ZFP64: variants seen among roughly 807,000 people sequenced by gnomAD.
The protein encoded by ZFP64 is zinc finger protein 64.
Under a neutral mutation model 51.6 loss-of-function variants are expected in ZFP64, and 14 were observed. That is an observed-to-expected ratio of 0.27 (90% CI 0.18 to 0.42). The LOEUF is 0.42. Ranked by LOEUF, ZFP64 falls within the 10% of genes least tolerant of loss-of-function variation. ZFP64 has a pLI of 1.00. For missense variants in ZFP64, 754 were observed against 906.8 expected, an observed-to-expected ratio of 0.83 and a Z score of 2.16; for synonymous variants, 375 against 361.4, an observed-to-expected ratio of 1.04 and a Z score of -0.43.
intron 5 of ZFP64, among the ~76,000 whole-genome samples, chr20:52,115,155 G>T (rs1340894203): frequency 7.4e-6 from 1 of 135,292 alleles, no homozygotes; most frequent in Non-Finnish European, 1.5e-5. Flanking sequence ...AGTGAGCCAA[G>T]ATCACGCCAC....
intron 5 of ZFP64, among the ~76,000 whole-genome samples, chr20:52,158,814 G>A (rs572131392): frequency 1.2e-4 from 19 of 152,258 alleles, no homozygotes; most frequent in African/African-American, 1.7e-4. Flanking sequence ...GCTCAGTCCC[G>A]CCCTTGACAC....
chr20:52,119,555 C>CACAT (rs1361789500), intron 5 of ZFP64, among the ~76,000 whole-genome samples: 17 of 77,712 alleles, frequency 2.2e-4, no homozygotes, highest in African/African-American at 7.6e-4. Context: ...TATATATATA[C>CACAT]ATATATATAT....
At chr20:52,107,041 C>T (rs1257441658) in intron 5 of ZFP64, among the ~76,000 whole-genome samples, 1 of 152,158 alleles carries the variant, frequency 6.6e-6, no homozygotes, top group African/African-American at 2.4e-5. Flanking sequence ...GAGCCGAGAT[C>T]GCGCCACTGC....
rs190001062 is a variant in ZFP64 at position 52,134,454 on chromosome 20, A to T, written c.763+25669T>A. ...AAGATATCTCAGTTTGGTGGCAAGC[A>T]CCCTGTTTATTTAATCAAGTGTCAT... On this transcript the variant is annotated intron_variant, in intron 5 of 8. Transcript: ENST00000361387. Among the ~76,000 whole-genome samples the T allele has an allele frequency of 1.5e-3, 222 of 152,320 alleles. 2 individuals carry two copies. The highest frequency in any genetic ancestry group is 1.5e-3 in the Non-Finnish European group (99 of 68,028).
intron 5 of ZFP64, among the ~76,000 whole-genome samples, chr20:52,140,927 G>A (rs945579426): frequency 3.9e-5 from 6 of 152,160 alleles, no homozygotes; most frequent in African/African-American, 1.4e-4. Context: ...TGAAGTTGAA[G>A]CCAGTGCTCA....
chr20:52,088,757 C>T, intron 7 of ZFP64: 1 of 1,355,608 alleles, frequency 7.4e-7, no homozygotes, highest in South Asian at 1.2e-5. Flanking sequence ...TGTCCAAATA[C>T]TGAGAGAGAA....
intron 5 of ZFP64, among the ~76,000 whole-genome samples, chr20:52,123,959 T>TC (rs1466618713): frequency 2.6e-5 from 4 of 151,904 alleles, no homozygotes; most frequent in Admixed American, 2.0e-4. Context: ...AAGCTCCACC[T>TC]CCTGGGTTCA....
At position 52,158,909 on chromosome 20, in the gene ZFP64, G is replaced by A. The variant is rs909892257; in HGVS notation, c.763+1214C>T. On this transcript the variant is annotated intron_variant, in intron 5 of 5. Coordinates refer to ENST00000216923, the MANE Select transcript of ZFP64 (RefSeq NM_018197.3). ...AGAGTTGAAATGGGCTTACACTGGG[G>A]CTTGCTTGCTTGCACCTCTGCCATC... 1.3e-5 allele frequency among the ~76,000 whole-genome samples: 2 copies of A among 152,186 alleles called. 1 individual carries two copies. The highest frequency in any genetic ancestry group is 4.1e-4 in the South Asian group (2 of 4,828).
chr20:52,093,482 G>A (rs1034343923), intron 7 of ZFP64, among the ~76,000 whole-genome samples: 4 of 152,040 alleles, frequency 2.6e-5, no homozygotes, highest in Non-Finnish European at 5.9e-5. Context: ...AAATTTCAGG[G>A]GTCTAAGATC....
chr20:52,139,455 A>T (rs1323483278), intron 5 of ZFP64, among the ~76,000 whole-genome samples: 1 of 152,128 alleles, frequency 6.6e-6, no homozygotes, highest in African/African-American at 2.4e-5. Context: ...AACATTGAGT[A>T]CCCGTGGACA....
chr20:52,129,042 T>C (rs1345372360), intron 5 of ZFP64, among the ~76,000 whole-genome samples: 1 of 151,350 alleles, frequency 6.6e-6, no homozygotes, highest in East Asian at 1.9e-4. Flanking sequence ...GCCTCCCGAG[T>C]AGTTGGGATT....
Position 52,101,308 on chromosome 20 carries a change from C to A in ZFP64, c.764-2721G>T, listed in dbSNP as rs191586139. On this transcript the variant is annotated intron_variant, in intron 5 of 8. Transcript: ENST00000361387. ...TTTCCCAGGCCTTACCCTATACTCA[C>A]TGAAAACTTAGGGGCAGGAGGAGGG... Among the ~76,000 whole-genome samples, 8 of 152,270 alleles carry A rather than the reference C, an allele frequency of 5.3e-5. No homozygotes were observed. The East Asian group carries it at 1.5e-3, about 29-fold the overall frequency.
intron 6 of ZFP64, among the ~76,000 whole-genome samples, chr20:52,097,720 A>G (rs1208526648): frequency 6.6e-6 from 1 of 152,034 alleles, no homozygotes. Context: ...CCGGCTTCCC[A>G]AAGTGCTGGG....
chr20:52,105,335 G>A (rs150334398), intron 5 of ZFP64: 14 of 1,249,436 alleles, frequency 1.1e-5, no homozygotes, highest in Non-Finnish European at 1.2e-5. Context: ...GCCGGAACGC[G>A]CATGTCCCGG....
At chr20:52,189,935 A>G (rs528312993) in intron 1 of ZFP64, among the ~76,000 whole-genome samples, 1 of 152,308 alleles carries the variant, frequency 6.6e-6, no homozygotes, top group East Asian at 1.9e-4. Context: ...CCCAAGTTAA[A>G]TGATACAAGA....
chr20:52,109,504 G>A (rs1978433894), intron 5 of ZFP64, among the ~76,000 whole-genome samples: 1 of 152,160 alleles, frequency 6.6e-6, no homozygotes, highest in Non-Finnish European at 1.5e-5. Context: ...TGCTGGCTGA[G>A]TGCGGTGGCT....
At position 52,098,633 on chromosome 20, in the gene ZFP64, C is replaced by T. The variant is rs376490605; in HGVS notation, c.764-46G>A. 64 of 1,611,942 alleles carry T rather than the reference C, an allele frequency of 4.0e-5. No individual in the cohort carries two copies. In the African/African-American group the frequency reaches 7.2e-4, roughly 18 times the overall value. Reference sequence around the variant, plus strand: ...TGCTTAGTTTCTCATTTATAACCACCATGCTAAGTCTTAGAATACAGTAGG... The same window carrying T: ...TGCTTAGTTTCTCATTTATAACCACTATGCTAAGTCTTAGAATACAGTAGG... On this transcript the variant is annotated intron_variant, in intron 5 of 8. Transcript: ENST00000361387.
intron 5 of ZFP64, among the ~76,000 whole-genome samples, chr20:52,115,197 CAAAAAAA>C (rs11484315): frequency 3.3e-5 from 3 of 90,068 alleles, no homozygotes; most frequent in African/African-American, 1.5e-4. Flanking sequence ...GAGTGAGTCT[CAAAAAAA>C]AAAAAAAAAA....
In ZFP64 at chr20:52,097,179, G is replaced by A. The variant is rs571018504; in HGVS notation, c.976+194C>T. On this transcript the variant is annotated intron_variant, in intron 7 of 8. Coordinates refer to the ZFP64 transcript ENST00000361387. ...AGATGACTATAGCCACAGGCTCTGT[G>A]TAGCTCATCCTGGGAATCACTTCAT... 7.1e-5 allele frequency: 57 copies of A among 803,574 alleles called. No homozygotes were observed. The East Asian group carries it at 1.3e-3, about 18-fold the overall frequency. The allele number at this position is 803,574 out of a possible 1,614,324, so 49.8% of individuals were successfully genotyped here.
Sources: allele counts gnomAD v4.1 joint callset (sites outside exome capture counted in the v4.1 genomes callset), GRCh38; gene constraint gnomAD v4.1.1; transcripts MANE v1.5; gene names NCBI Gene and HGNC (gene_info 2026-07-23, HGNC 2026-07-21).